The following MTUS1 variants were observed in gnomAD, a reference collection of about 807,000 sequenced individuals.
MTUS1 encodes microtubule-associated tumor suppressor 1.
MTUS1 carries 109 observed loss-of-function variants against 120.8 expected under a neutral mutation model. That is an observed-to-expected ratio of 0.90 (90% CI 0.77 to 1.06). The LOEUF (loss-of-function observed/expected upper bound fraction) is 1.06, where lower values mean the gene tolerates loss of function less well. Among genes scored for constraint, MTUS1 ranks in the 50% least tolerant of loss-of-function variants. The pLI is 0.00. For missense variants in MTUS1, 2,210 were observed against 1,486.3 expected, an observed-to-expected ratio of 1.49 and a Z score of -8.01; for synonymous variants, 737 against 550.5, an observed-to-expected ratio of 1.34 and a Z score of -4.74.
chr8:17,670,479 C>A (rs2410494), intron 8 of MTUS1, among the ~76,000 whole-genome samples: 1 of 151,968 alleles, frequency 6.6e-6, no homozygotes, highest in African/African-American at 2.4e-5. Context: ...TCATAATGAA[C>A]ACTATGAGGC....
chr8:17,716,416 T>C (rs1436190398), intron 4 of MTUS1: 1 of 152,544 alleles, frequency 6.6e-6, no homozygotes, highest in Non-Finnish European at 1.5e-5. Flanking sequence ...AGGAAGTTTG[T>C]TCCAAAGTAA....
intron 1 of MTUS1, among the ~76,000 whole-genome samples, chr8:17,771,023 G>C (rs1009043742): frequency 1.3e-5 from 2 of 152,134 alleles, no homozygotes; most frequent in African/African-American, 2.4e-5. Context: ...TGTTAAGTAT[G>C]CATCTATAAT....
intron 7 of MTUS1, among the ~76,000 whole-genome samples, 194 bp downstream of exon 7, chr8:17,684,134 G>A (rs998285429): frequency 6.6e-6 from 1 of 152,170 alleles, no homozygotes; most frequent in African/African-American, 2.4e-5. Context: ...AAGGAAGTGA[G>A]AAAATGTTTC....
chr8:17,662,678 G>A (rs1302916633), intron 8 of MTUS1, among the ~76,000 whole-genome samples: 1 of 151,876 alleles, frequency 6.6e-6, no homozygotes, highest in Non-Finnish European at 1.5e-5. Context: ...CATTCCATTA[G>A]TCTATTTTTT....
chr8:17,688,480 T>A (rs1446991130), intron 6 of MTUS1, among the ~76,000 whole-genome samples: 1 of 152,216 alleles, frequency 6.6e-6, no homozygotes, highest in Non-Finnish European at 1.5e-5. Flanking sequence ...AAAACCGATG[T>A]TTGTGGGTTG....
intron 6 of MTUS1, among the ~76,000 whole-genome samples, chr8:17,699,925 G>T (rs1435489834): frequency 6.6e-6 from 1 of 151,868 alleles, no homozygotes; most frequent in East Asian, 1.9e-4. Context: ...GCCTCTGGGG[G>T]GAGCCAAGAT....
intron 7 of MTUS1, among the ~76,000 whole-genome samples, chr8:17,678,612 T>C (rs578094259): frequency 6.6e-6 from 1 of 152,280 alleles, no homozygotes; most frequent in African/African-American, 2.4e-5. Flanking sequence ...GTGTGCTGCA[T>C]CTGACCTCCT....
At chr8:17,661,115 A>G (rs1809592704) in intron 8 of MTUS1, among the ~76,000 whole-genome samples, 1 of 152,216 alleles carries the variant, frequency 6.6e-6, no homozygotes, top group South Asian at 2.1e-4. Flanking sequence ...AAGAAGTCCA[A>G]TGTTAGTCAA....
At position 17,725,470 on chromosome 8, in the gene MTUS1, G is replaced by A. The variant is rs147825821; in HGVS notation, c.2288-1637C>T. ...ACCTCGCTTTCTCTCTGACACCAGG[G>A]CACATCATGTGCTATTCTATTAATA... On this transcript the variant is annotated intron_variant, in intron 3 of 14. Transcript: ENST00000693296. Among the ~76,000 whole-genome samples, 237 of 152,264 alleles carry A rather than the reference G, an allele frequency of 1.6e-3. 2 individuals carry two copies. The East Asian group carries it at 0.038, about 24-fold the overall frequency.
chr8:17,794,661 A>G (rs1258925249), intron 1 of MTUS1, among the ~76,000 whole-genome samples: 2 of 152,228 alleles, frequency 1.3e-5, no homozygotes, highest in African/African-American at 4.8e-5. Context: ...TAATAAGCAA[A>G]TATGGTTCAA....
chr8:17,681,653 G>A lies in MTUS1; in HGVS notation c.2838+2675C>T, dbSNP rs543795458. On this transcript the variant is annotated intron_variant, in intron 7 of 14. Transcript: ENST00000693296. The stretch of plus-strand genomic sequence containing the variant: ...CCGCAATTACTTTTGCTCAAACCTA[G>A]TATTCAATAAATCCCTCTTGCTTCT... 7.1e-5 allele frequency: 11 copies of A among 154,840 alleles called. No individual in the cohort carries two copies. The East Asian group carries it at 1.7e-3, about 24-fold the overall frequency. 9.6% of individuals were successfully genotyped at this position (154,840 alleles called of 1,614,324 possible). A position where few individuals can be genotyped will look rare whatever the true frequency, so the allele number is the denominator to read the frequency against.
chr8:17,801,194 G>A (rs2131633346), upstream of MTUS1, among the ~76,000 whole-genome samples: 1 of 151,772 alleles, frequency 6.6e-6, no homozygotes, highest in East Asian at 2.0e-4. Flanking sequence ...GGGGGCGCGC[G>A]GCGCGGCACC....
intron 3 of MTUS1, among the ~76,000 whole-genome samples, chr8:17,738,197 G>A (rs993047035): frequency 6.6e-6 from 1 of 152,134 alleles, no homozygotes; most frequent in African/African-American, 2.4e-5. Flanking sequence ...CTTTCAGGAG[G>A]CCTTTCTTCA....
intron 1 of MTUS1, among the ~76,000 whole-genome samples, chr8:17,786,591 A>T (rs906965505): frequency 6.6e-6 from 1 of 152,142 alleles, no homozygotes; most frequent in Admixed American, 6.5e-5. Context: ...GCCACATTAT[A>T]TGTTCTCTAC....
At chr8:17,761,686 C>G (rs1438805245) in intron 1 of MTUS1, among the ~76,000 whole-genome samples, 1 of 152,138 alleles carries the variant, frequency 6.6e-6, no homozygotes, top group Non-Finnish European at 1.5e-5. Flanking sequence ...AAAAGTAAAA[C>G]ATAAGAACTG....
chr8:17,763,775 AT>A, intron 1 of MTUS1, among the ~76,000 whole-genome samples: 1 of 152,274 alleles, frequency 6.6e-6, no homozygotes, highest in South Asian at 2.1e-4. Context: ...CACAGATATT[AT>A]GTTTCTATGT....
At chr8:17,701,131 G>A (rs956173340) in intron 6 of MTUS1, among the ~76,000 whole-genome samples, 1 of 152,152 alleles carries the variant, frequency 6.6e-6, no homozygotes, top group Admixed American at 6.5e-5. Context: ...GGAGATTCAA[G>A]CATCTCTATC....
chr8:17,692,949 T>G (rs1308936030), intron 6 of MTUS1, among the ~76,000 whole-genome samples: 2 of 152,214 alleles, frequency 1.3e-5, no homozygotes, highest in Non-Finnish European at 2.9e-5. Flanking sequence ...GTTCCTCCCT[T>G]GCGCTGCAGT....
intron 5 of MTUS1, among the ~76,000 whole-genome samples, 176 bp downstream of exon 5, chr8:17,715,591 A>G (rs1822160626): frequency 6.6e-6 from 1 of 152,212 alleles, no homozygotes; most frequent in Non-Finnish European, 1.5e-5. Flanking sequence ...TATAGAACCT[A>G]CCAACTGTCA....
Sources: gnomAD v4.1 joint callset for allele counts (sites outside exome capture counted in the v4.1 genomes callset) on GRCh38, gnomAD v4.1.1 for gene constraint, MANE v1.5 for transcripts, NCBI Gene and HGNC (gene_info 2026-07-23, HGNC 2026-07-21) for gene names.